Variants in EPHA3 observed in about 807,000 individuals in gnomAD.
EPHA3 encodes the protein ephrin type-A receptor 3.
Under a neutral mutation model 107.1 loss-of-function variants are expected in EPHA3, and 42 were observed. The observed-to-expected ratio is 0.39, with a 90% CI of 0.31 to 0.51. EPHA3 has a LOEUF of 0.51. EPHA3 is among the 20% of genes least tolerant of loss of function. The pLI is 0.78. For missense variants in EPHA3, 1,183 were observed against 1,211.2 expected (o/e 0.98, Z 0.35); for synonymous variants, 461 against 424.8 (o/e 1.09, Z -1.05).
intron 5 of EPHA3, among the ~76,000 whole-genome samples, chr3:89,388,838 C>T (rs1708672389): frequency 6.6e-6 from 1 of 152,080 alleles, no homozygotes. Context: ...TTTTAGAAAA[C>T]CTAGATTTGA....
chr3:89,457,717 G>A (rs1227894324), intron 15 of EPHA3, among the ~76,000 whole-genome samples: 1 of 152,190 alleles, frequency 6.6e-6, no homozygotes. Context: ...AGTTACTGAA[G>A]TGATATGTTG....
chr3:89,327,843 A>G (rs1326370666), intron 3 of EPHA3, among the ~76,000 whole-genome samples: 1 of 151,968 alleles, frequency 6.6e-6, no homozygotes, highest in Non-Finnish European at 1.5e-5. Flanking sequence ...TCTGATCAAA[A>G]CTCAAAGAAC....
At chr3:89,296,768 T>G (rs984556461) in intron 3 of EPHA3, among the ~76,000 whole-genome samples, 1 of 152,224 alleles carries the variant, frequency 6.6e-6, no homozygotes, top group Non-Finnish European at 1.5e-5. Context: ...TCTCAGATGG[T>G]ATTTTCTTCA....
At chr3:89,468,389 T>C (rs1246371350) in intron 15 of EPHA3, among the ~76,000 whole-genome samples, 1 of 152,130 alleles carries the variant, frequency 6.6e-6, no homozygotes, top group African/African-American at 2.4e-5. Flanking sequence ...TCTTGTTGAG[T>C]CTGGCTAAAG....
intron 5 of EPHA3, among the ~76,000 whole-genome samples, chr3:89,394,181 G>T (rs533165261): frequency 1.3e-5 from 2 of 152,088 alleles, no homozygotes; most frequent in African/African-American, 4.8e-5. Flanking sequence ...GAGGCCTACC[G>T]GGGAGAATCA....
intron 9 of EPHA3, among the ~76,000 whole-genome samples, chr3:89,411,543 C>G (rs1437333429): frequency 2.6e-5 from 4 of 151,858 alleles, no homozygotes; most frequent in Admixed American, 1.3e-4. Flanking sequence ...TTTACCCAAC[C>G]TCTCTCTCAG....
At chr3:89,253,313 G>A (rs1705206576) in intron 3 of EPHA3, among the ~76,000 whole-genome samples, 1 of 152,036 alleles carries the variant, frequency 6.6e-6, no homozygotes, top group Admixed American at 6.6e-5. Context: ...GGAAACTCTT[G>A]AGATTTTCTT....
intron 5 of EPHA3, among the ~76,000 whole-genome samples, chr3:89,352,026 A>C (rs1451338970): frequency 6.6e-6 from 1 of 151,014 alleles, no homozygotes; most frequent in Non-Finnish European, 1.5e-5. Context: ...TTGCCATTCC[A>C]TTCAAAAATG....
intron 2 of EPHA3, among the ~76,000 whole-genome samples, chr3:89,175,668 A>G (rs765233489): frequency 1.3e-5 from 2 of 152,182 alleles, no homozygotes; most frequent in Non-Finnish European, 2.9e-5. Flanking sequence ...AATATTAGTA[A>G]CTAACATTAT....
chr3:89,223,179 T>C (rs1392274261), intron 3 of EPHA3, among the ~76,000 whole-genome samples: 4 of 152,258 alleles, frequency 2.6e-5, no homozygotes, highest in South Asian at 2.1e-4. Flanking sequence ...TTTTTTCTCC[T>C]TTTTAAAAAA....
chr3:89,191,578 T>C (rs1405404757), intron 2 of EPHA3, among the ~76,000 whole-genome samples: 2 of 152,244 alleles, frequency 1.3e-5, no homozygotes, highest in Non-Finnish European at 2.9e-5. Flanking sequence ...GTCTGTGGTC[T>C]TTAGTCACAG....
intron 13 of EPHA3, among the ~76,000 whole-genome samples, chr3:89,440,937 C>T (rs1709770259): frequency 6.6e-6 from 1 of 152,172 alleles, no homozygotes; most frequent in African/African-American, 2.4e-5. Flanking sequence ...TGTCAGCATC[C>T]TTGATACTCA....
intron 2 of EPHA3, among the ~76,000 whole-genome samples, chr3:89,179,312 G>A (rs1178640078): frequency 6.6e-6 from 1 of 152,028 alleles, no homozygotes; most frequent in African/African-American, 2.4e-5. Context: ...TGGGAATGGA[G>A]TATAGATAGT....
At chr3:89,130,581 T>C (rs745408592) in intron 2 of EPHA3, among the ~76,000 whole-genome samples, 17 of 152,112 alleles carry the variant, frequency 1.1e-4, no homozygotes, top group Non-Finnish European at 2.5e-4. Context: ...ACATGAAACT[T>C]TACAATTCAC....
chr3:89,219,901 GGTTTCACC>G (rs1704328415), intron 3 of EPHA3, among the ~76,000 whole-genome samples: 1 of 148,222 alleles, frequency 6.7e-6, no homozygotes, highest in South Asian at 2.2e-4. Flanking sequence ...GTAGAGACGG[GGTTTCACC>G]GTTTTAGCCG....
intron 3 of EPHA3, among the ~76,000 whole-genome samples, chr3:89,260,340 AT>A (rs1705385276): frequency 6.6e-6 from 1 of 152,102 alleles, no homozygotes; most frequent in African/African-American, 2.4e-5. Context: ...CCTAGCCAAC[AT>A]TTATTATCTC....
At chr3:89,275,872 A>T (rs1236939177) in intron 3 of EPHA3, among the ~76,000 whole-genome samples, 2 of 152,118 alleles carry the variant, frequency 1.3e-5, no homozygotes, top group African/African-American at 4.8e-5. Flanking sequence ...TGAATAAAGC[A>T]AATCTCTTCC....
At chr3:89,469,534 G>T (rs745500818) in intron 15 of EPHA3, among the ~76,000 whole-genome samples, 1 of 152,224 alleles carries the variant, frequency 6.6e-6, no homozygotes, top group Non-Finnish European at 1.5e-5. Flanking sequence ...ACTTGAGCAG[G>T]TCTTTTGTAC....
In EPHA3 at chr3:89,246,722, C is replaced by T. The variant is rs146855157; in HGVS notation, c.814+36202C>T. On this transcript the variant is annotated intron_variant, in intron 3 of 16. Coordinates refer to ENST00000336596, the MANE Select transcript of EPHA3 (RefSeq NM_005233.6). Reference sequence around the variant, plus strand: ...TCTTTGATAGAAATATGTATAATAGCTAAGGGAATGAAATATGAGTTGTTG... The same window carrying T: ...TCTTTGATAGAAATATGTATAATAGTTAAGGGAATGAAATATGAGTTGTTG... 3.1e-3 allele frequency among the ~76,000 whole-genome samples: 471 copies of T among 152,246 alleles called. 4 individuals are homozygous for T. The highest frequency in any genetic ancestry group is 0.01 in the African/African-American group (435 of 41,536).
Sources: gnomAD v4.1 joint callset for allele counts (sites outside exome capture counted in the v4.1 genomes callset) on GRCh38, gnomAD v4.1.1 for gene constraint, MANE v1.5 for transcripts, NCBI Gene and HGNC (gene_info 2026-07-23, HGNC 2026-07-21) for gene names.